The following CIBAR1 variants were observed in gnomAD, a reference collection of about 807,000 sequenced individuals.
CIBAR1 encodes CBY1-interacting BAR domain-containing protein 1.
A neutral mutation model predicts 44.0 loss-of-function variants in CIBAR1; 25 were observed. The ratio of observed to expected loss-of-function variants is 0.57; its 90% confidence interval spans 0.41 to 0.79. CIBAR1 has a LOEUF of 0.79. Among genes scored for constraint, CIBAR1 ranks in the 30% least tolerant of loss-of-function variants. The pLI is 0.00. For synonymous variants in CIBAR1, 115 were observed against 119.0 expected, an observed-to-expected ratio of 0.97 and a Z score of 0.22; for missense variants, 278 against 344.8, an observed-to-expected ratio of 0.81 and a Z score of 1.53.
intron 2 of CIBAR1, 84 bp downstream of exon 2, chr8:93,701,542 T>G (rs1810357641): frequency 1.8e-6 from 2 of 1,142,826 alleles, no homozygotes; most frequent in African/African-American, 3.1e-5. Flanking sequence ...TCACTTGTAA[T>G]CTACCTAACT....
At chr8:93,723,143 C>T (rs1811332828) in intron 7 of CIBAR1, among the ~76,000 whole-genome samples, 1 of 152,166 alleles carries the variant, frequency 6.6e-6, no homozygotes, top group Non-Finnish European at 1.5e-5. Flanking sequence ...ACTACAGGCA[C>T]CCGCCACCTC....
rs559199944 is a variant in CIBAR1 at position 93,726,434 on chromosome 8, G to A, written c.698G>A (p.Arg233His). The A allele has an allele frequency of 2.2e-5, 35 of 1,613,300 alleles. No homozygotes were observed. The highest frequency in any genetic ancestry group is 7.7e-5 in the South Asian group (7 of 91,068). ...CTGTATGCACCAGATTATTCATCTC[G>A]TTTAGATATTGTAAGAGCAAATTCA... is the stretch of plus-strand genomic sequence containing the variant. ...NSLYAPDYSS[R>H]LDIVRANSKS... is the part of the protein sequence containing the mutation. Residue 233 changes from arginine (R) to histidine (H), a missense_variant, in exon 8 of 9, where the codon CGT becomes CAT. Arg to His is a conservative substitution (Grantham distance 29). Around this residue, in one of 3 missense-constraint regions of CIBAR1, gnomAD observed 93 missense variants for 108.9 expected, o/e 0.85. Transcript: ENST00000518322.
At chr8:93,724,751 C>T (rs1230624964) in intron 7 of CIBAR1, among the ~76,000 whole-genome samples, 1 of 152,166 alleles carries the variant, frequency 6.6e-6, no homozygotes, top group East Asian at 1.9e-4. Flanking sequence ...AAATTCAGCT[C>T]CTCGGCCACG....
Position 93,700,672 on chromosome 8 carries a change from C to T in CIBAR1, c.25C>T (p.Arg9Trp), listed in dbSNP as rs1810301550. The T allele has an allele frequency of 1.3e-6, 2 of 1,504,732 alleles. No individual in the cohort carries two copies. The highest frequency in any genetic ancestry group is 1.8e-6 in the Non-Finnish European group (2 of 1,127,424). 93.2% of individuals were successfully genotyped at this position (1,504,732 alleles called of 1,614,324 possible). Residue 9 changes from arginine (R) to tryptophan (W), a missense_variant and splice_region_variant, in exon 1 of 9, where the codon CGG becomes TGG. Transcript: ENST00000518322. ...CATGATGAGGCGCACCCTGGAAAAC[C>T]GGTAACAGCCCGAGCCCAGCTGCCC... MMRRTLEN[R>W]NAQTKQLQTA...
intron 1 of CIBAR1, 70 bp downstream of exon 1, chr8:93,700,743 C>G: frequency 1.4e-6 from 2 of 1,448,138 alleles, no homozygotes; most frequent in East Asian, 3.0e-5. Context: ...GTGGAAGCCT[C>G]TGTCCATGGG....
intron 8 of CIBAR1, chr8:93,727,302 G>T: frequency 7.2e-6 from 6 of 835,700 alleles, no homozygotes; most frequent in South Asian, 1.7e-5. Flanking sequence ...CATTTATTTT[G>T]TTTTATATGT....
intron 6 of CIBAR1, among the ~76,000 whole-genome samples, chr8:93,714,360 G>A (rs1016314937): frequency 9.2e-5 from 14 of 152,020 alleles, no homozygotes; most frequent in Non-Finnish European, 1.6e-4. Flanking sequence ...TTTTTTAGTG[G>A]ATTCGTTACA....
At chr8:93,708,807 CTT>C (rs576073937) in intron 5 of CIBAR1, among the ~76,000 whole-genome samples, 23 of 152,222 alleles carry the variant, frequency 1.5e-4, no homozygotes, top group Non-Finnish European at 2.5e-4. Flanking sequence ...AAGAAAGAGT[CTT>C]TGGTTATATA....
chr8:93,701,280 G>C lies in CIBAR1; in HGVS notation c.83G>C (p.Gly28Ala), dbSNP rs1264717088. The change falls in exon 2 of 9, where the codon GGA becomes GCA. Residue 28 changes from glycine to alanine, a missense_variant. By Grantham distance (60) the Gly-to-Ala change is moderately conservative. Coordinates refer to ENST00000518322, the MANE Select transcript of CIBAR1 (RefSeq NM_145269.5). ...GTCTCAAATGTGGAGAAGCATTTTG[G>C]AGAACTGTGCCAAATCTTCGCTGCC... The part of the protein sequence containing the change: ...TAVSNVEKHF[G>A]ELCQIFAAYV... 1.2e-6 allele frequency: 2 copies of C among 1,613,646 alleles called. No homozygotes were observed. The highest frequency in any genetic ancestry group is 1.7e-5 in the Admixed American group (1 of 59,974).
rs1184966534 is a variant in CIBAR1, at chr8:93,708,023, A to G, written c.438+7A>G. ...TGAAAAATTTCAGTCACAGGTGGGT[A>G]ATAAAGTGGTGTGTCAAGAAATGGA... On this transcript the variant is annotated splice_region_variant and intron_variant, in intron 5 of 8. Transcript: ENST00000518322. 6.4e-7 allele frequency: 1 copy of G among 1,566,304 alleles called. No individual in the cohort carries two copies. Among genetic ancestry groups the G allele is most frequent in the South Asian group, 1.2e-5 (1 of 85,212 alleles).
At chr8:93,708,191 T>TA (rs1204096791) in intron 5 of CIBAR1, among the ~76,000 whole-genome samples, 175 bp downstream of exon 5, 6 of 152,198 alleles carry the variant, frequency 3.9e-5, no homozygotes, top group Non-Finnish European at 5.9e-5. Flanking sequence ...TAAATGATGA[T>TA]ATATGTGACT....
At chr8:93,727,154 C>G (rs760001867) in intron 8 of CIBAR1, 124 of 1,286,336 alleles carry the variant, frequency 9.6e-5, no homozygotes, top group Non-Finnish European at 1.2e-4. Flanking sequence ...CCGCAACTTG[C>G]CAAACCCTGA....
intron 6 of CIBAR1, among the ~76,000 whole-genome samples, chr8:93,712,203 C>T (rs771951683): frequency 6.6e-6 from 1 of 152,192 alleles, no homozygotes; most frequent in Admixed American, 6.5e-5. Context: ...CAACCTTGTA[C>T]AGTTTAGCTT....
chr8:93,716,092 G>A (rs1324806377), intron 6 of CIBAR1: 4 of 152,274 alleles, frequency 2.6e-5, no homozygotes, highest in East Asian at 3.8e-4. Context: ...CACACAGTCT[G>A]TAGTATGGTG....
intron 7 of CIBAR1, among the ~76,000 whole-genome samples, chr8:93,724,926 T>C (rs1811415923): frequency 6.6e-6 from 1 of 152,178 alleles, no homozygotes; most frequent in Non-Finnish European, 1.5e-5. Flanking sequence ...CAGGGTATGC[T>C]TGTCAGGGGA....
chr8:93,709,833 A>C lies in CIBAR1; in HGVS notation c.501A>C (p.Glu167Asp), dbSNP rs1810749494. ...GCCGAACAAGTCGTCATCTGGAGGA[A>C]ACTATTAACAACTTTGAAAGGCAGA... ...DASRTSRHLE[E>D]TINNFERQKM... Residue 167 changes from glutamate (E) to aspartate (D), a missense_variant, in exon 6 of 9, where the codon GAA becomes GAC. By Grantham distance (45) the Glu-to-Asp change is conservative. Transcript: ENST00000518322. 6.2e-7 allele frequency: 1 copy of C among 1,612,924 alleles called. No individual in the cohort carries two copies. Among genetic ancestry groups the C allele is most frequent in the Admixed American group, 1.7e-5 (1 of 59,970 alleles).
intron 4 of CIBAR1, among the ~76,000 whole-genome samples, chr8:93,707,520 A>T (rs1229684348): frequency 1.3e-5 from 2 of 152,240 alleles, no homozygotes; most frequent in Non-Finnish European, 2.9e-5. Context: ...TGCATCAGTC[A>T]TGTGTAATAA....
At chr8:93,703,352 CT>C (rs1810443978) in intron 2 of CIBAR1, among the ~76,000 whole-genome samples, 1 of 152,186 alleles carries the variant, frequency 6.6e-6, no homozygotes, top group Non-Finnish European at 1.5e-5. Flanking sequence ...TTTGAACTGT[CT>C]TAACACCCTT....
At chr8:93,713,339 C>T (rs564025781) in intron 6 of CIBAR1, among the ~76,000 whole-genome samples, 2 of 152,056 alleles carry the variant, frequency 1.3e-5, no homozygotes, top group East Asian at 3.9e-4. Flanking sequence ...GGCTCCTTTA[C>T]CCTTATTTTA....
Sources: gnomAD v4.1 joint callset for allele counts (sites outside exome capture counted in the v4.1 genomes callset) on GRCh38, gnomAD v4.1.1 for gene constraint, gnomAD v4.1.1 regional missense constraint, MANE v1.5 for transcripts, NCBI Gene and HGNC (gene_info 2026-07-23, HGNC 2026-07-21) for gene names.